The following RBFOX1 variants were observed in gnomAD, a reference collection of about 807,000 sequenced individuals.
The protein encoded by RBFOX1 is RNA binding fox-1 homolog 1.
In RBFOX1, 8 loss-of-function variants were observed where a neutral mutation model predicts 57.7. The ratio of observed to expected loss-of-function variants is 0.14; its 90% CI spans 0.08 to 0.25. The LOEUF (loss-of-function observed/expected upper bound fraction) is 0.25, where lower values mean the gene tolerates loss of function less well. RBFOX1 is among the 10% of genes least tolerant of loss of function. The pLI is 1.00. For missense variants in RBFOX1, 611 were observed against 548.5 expected, an observed-to-expected ratio of 1.11 and a Z score of -1.14; for synonymous variants, 326 against 222.4, an observed-to-expected ratio of 1.47 and a Z score of -4.15.
intron 3 of RBFOX1, among the ~76,000 whole-genome samples, chr16:6,940,436 G>A (rs2078174517): frequency 6.6e-6 from 1 of 152,162 alleles, no homozygotes; most frequent in Non-Finnish European, 1.5e-5. Context: ...TCTTCTCTCT[G>A]TCCACACAGC....
At chr16:6,692,831 T>A (rs2060403130) in intron 3 of RBFOX1, among the ~76,000 whole-genome samples, 1 of 152,074 alleles carries the variant, frequency 6.6e-6, no homozygotes, top group Non-Finnish European at 1.5e-5. Flanking sequence ...ATCAACATTA[T>A]CTTCATCCAC....
rs1006133263 is a variant in RBFOX1, at chr16:6,557,824, A to G, written c.-63-96779A>G. 2.0e-5 allele frequency among the ~76,000 whole-genome samples: 3 copies of G among 152,222 alleles called. No homozygotes were observed. In the East Asian group the frequency reaches 5.8e-4, roughly 29 times the overall value. On this transcript the variant is annotated intron_variant, in intron 2 of 15. Coordinates refer to ENST00000550418, the MANE Select transcript of RBFOX1 (RefSeq NM_018723.4). Reference sequence around the variant, plus strand: ...GTGGTGCAGGACAAATGTAGAGCTAAGTAGATTTGTAGGCTAATTTATTGG... The same window carrying G: ...GTGGTGCAGGACAAATGTAGAGCTAGGTAGATTTGTAGGCTAATTTATTGG...
intron 4 of RBFOX1, among the ~76,000 whole-genome samples, chr16:7,185,743 C>G (rs909564200): frequency 2.0e-5 from 3 of 152,112 alleles, no homozygotes; most frequent in East Asian, 1.9e-4. Context: ...ACATAAATGT[C>G]GAGATATTGA....
chr16:7,508,742 C>G lies in RBFOX1; in HGVS notation c.28-9405C>G, dbSNP rs141003622. On this transcript the variant is annotated intron_variant, in intron 4 of 15. Coordinates refer to ENST00000550418, the MANE Select transcript of RBFOX1 (RefSeq NM_018723.4). The stretch of plus-strand genomic sequence containing the variant: ...AACTAGAACCTGCAAAACAGACAAG[C>G]AGAAAGGTTGAATTCTTCCAGGCGG... Among the ~76,000 whole-genome samples the G allele has an allele frequency of 3.3e-5, 5 of 152,204 alleles. No homozygotes were observed. The South Asian group carries it at 1.0e-3, about 32-fold the overall frequency.
At chr16:6,938,236 A>G (rs1286330438) in intron 3 of RBFOX1, among the ~76,000 whole-genome samples, 1 of 152,150 alleles carries the variant, frequency 6.6e-6, no homozygotes, top group South Asian at 2.1e-4. Context: ...TGTCCTATAA[A>G]TATCAGGTAG....
intron 10 of RBFOX1, among the ~76,000 whole-genome samples, chr16:7,611,512 G>C (rs1315686938): frequency 2.0e-5 from 3 of 151,724 alleles, no homozygotes; most frequent in Admixed American, 2.0e-4. Context: ...CTGGGAGGCA[G>C]AGGTTGCAGT....
At chr16:6,519,714 G>A (rs2096462571) in intron 2 of RBFOX1, among the ~76,000 whole-genome samples, 1 of 152,088 alleles carries the variant, frequency 6.6e-6, no homozygotes, top group Non-Finnish European at 1.5e-5. Flanking sequence ...AAAGATAATA[G>A]AAGAAAACTC....
At chr16:6,514,400 C>T (rs1366306628) in intron 2 of RBFOX1, among the ~76,000 whole-genome samples, 1 of 152,158 alleles carries the variant, frequency 6.6e-6, no homozygotes, top group African/African-American at 2.4e-5. Context: ...TTCTTTTGCC[C>T]ACATGAATTG....
chr16:6,301,784 A>T (rs560741504), intron 1 of RBFOX1, among the ~76,000 whole-genome samples: 2 of 152,206 alleles, frequency 1.3e-5, no homozygotes, highest in Non-Finnish European at 2.9e-5. Flanking sequence ...TCTGGACCCA[A>T]AACATGAGGC....
intron 4 of RBFOX1, among the ~76,000 whole-genome samples, chr16:7,479,965 G>C (rs2063544112): frequency 6.6e-6 from 1 of 152,144 alleles, no homozygotes; most frequent in Non-Finnish European, 1.5e-5. Context: ...CAAATGTTGG[G>C]GCTTGGTCAG....
intron 4 of RBFOX1, among the ~76,000 whole-genome samples, chr16:7,213,702 C>G (rs1302813225): frequency 1.3e-5 from 2 of 152,266 alleles, no homozygotes; most frequent in Admixed American, 1.3e-4. Flanking sequence ...ATTTTATACT[C>G]AAGGGACCGA....
chr16:6,034,117 C>T (rs2095329280), intron 1 of RBFOX1, among the ~76,000 whole-genome samples: 2 of 151,742 alleles, frequency 1.3e-5, no homozygotes, highest in African/African-American at 2.4e-5. Flanking sequence ...GGCGGATCAC[C>T]TGAGGTCGGG....
At chr16:7,247,353 C>T (rs371890235) in intron 4 of RBFOX1, among the ~76,000 whole-genome samples, 8 of 152,250 alleles carry the variant, frequency 5.3e-5, no homozygotes, top group Admixed American at 1.3e-4. Context: ...TCACAGCCAA[C>T]GGGTAGGAAA....
intron 3 of RBFOX1, among the ~76,000 whole-genome samples, chr16:5,740,800 T>C (rs901498490): frequency 5.9e-5 from 9 of 152,196 alleles, no homozygotes; most frequent in African/African-American, 2.2e-4. Flanking sequence ...TTTCTTTTAC[T>C]GTCCCCATAG....
intron 2 of RBFOX1, among the ~76,000 whole-genome samples, chr16:6,362,232 C>T (rs1253465147): frequency 6.7e-6 from 1 of 149,340 alleles, no homozygotes; most frequent in Non-Finnish European, 1.5e-5. Context: ...CGATGCATAT[C>T]ACATCTATTT....
chr16:7,001,978 A>G (rs1399653991), intron 3 of RBFOX1, among the ~76,000 whole-genome samples: 1 of 152,022 alleles, frequency 6.6e-6, no homozygotes, highest in Non-Finnish European at 1.5e-5. Context: ...TGAGCACGTG[A>G]GTGAACTCCT....
At chr16:5,572,302 T>G (rs897804229) in intron 2 of RBFOX1, among the ~76,000 whole-genome samples, 9 of 152,162 alleles carry the variant, frequency 5.9e-5, no homozygotes, top group Non-Finnish European at 1.2e-4. Context: ...ATTTATTGAG[T>G]GCATACCATG....
At chr16:6,850,645 A>G (rs911279364) in intron 3 of RBFOX1, among the ~76,000 whole-genome samples, 7 of 152,322 alleles carry the variant, frequency 4.6e-5, no homozygotes, top group Admixed American at 4.6e-4. Context: ...TTCTTTTGCA[A>G]TATTTCTACC....
chr16:5,306,566 C>T (rs1014381143), intron 1 of RBFOX1, among the ~76,000 whole-genome samples: 7 of 152,128 alleles, frequency 4.6e-5, no homozygotes, highest in Non-Finnish European at 1.5e-5. Context: ...CCTTGGCCTC[C>T]CAGATTGCTG....
Sources: allele counts gnomAD v4.1 joint callset (sites outside exome capture counted in the v4.1 genomes callset), GRCh38; gene constraint gnomAD v4.1.1; transcripts MANE v1.5; gene names NCBI Gene and HGNC (gene_info 2026-07-23, HGNC 2026-07-21).